Variants in ERC1 observed in about 807,000 individuals in gnomAD.
ERC1 encodes RAB6 interacting protein 2.
ERC1 carries 56 observed loss-of-function variants against 132.0 expected under a neutral mutation model. The observed-to-expected ratio is 0.42, with a 90% CI of 0.34 to 0.53. The LOEUF is 0.53. Ranked by LOEUF, ERC1 falls within the 20% of genes least tolerant of loss-of-function variation. The pLI is 0.03. For missense variants in ERC1, 1,202 were observed against 1,349.9 expected, an observed-to-expected ratio of 0.89 and a Z score of 1.72; for synonymous variants, 478 against 476.1, an observed-to-expected ratio of 1.00 and a Z score of -0.05.
chr12:1,382,146 T>C (rs1002707365), intron 16 of ERC1, among the ~76,000 whole-genome samples: 2 of 152,242 alleles, frequency 1.3e-5, no homozygotes, highest in African/African-American at 4.8e-5. Context: ...GATCCAACTC[T>C]GTTGATAAAT....
chr12:1,006,782 G>A (rs372460238), intron 1 of ERC1, among the ~76,000 whole-genome samples: 2 of 151,820 alleles, frequency 1.3e-5, no homozygotes, highest in Non-Finnish European at 2.9e-5. Context: ...CTTGGCCTCC[G>A]AAAGCCCTAG....
At chr12:1,078,039 AGT>A (rs1251096866) in intron 2 of ERC1, among the ~76,000 whole-genome samples, 1 of 152,222 alleles carries the variant, frequency 6.6e-6, no homozygotes, top group Non-Finnish European at 1.5e-5. Flanking sequence ...ACACACTAGT[AGT>A]TAATGTTTTC....
At chr12:1,393,196 G>T (rs546443873) in intron 16 of ERC1, among the ~76,000 whole-genome samples, 1 of 152,174 alleles carries the variant, frequency 6.6e-6, no homozygotes, top group Non-Finnish European at 1.5e-5. Flanking sequence ...CCATGATTTT[G>T]TAAAAAGAAA....
intron 1 of ERC1, among the ~76,000 whole-genome samples, chr12:1,005,180 T>G (rs7955303): frequency 0.014 from 2,081 of 152,222 alleles, 46 homozygotes; most frequent in African/African-American, 0.047. Context: ...CACCTGGGGT[T>G]TCACTCTGTC....
At chr12:1,337,741 A>G (rs1304638030) in intron 15 of ERC1, among the ~76,000 whole-genome samples, 1 of 152,208 alleles carries the variant, frequency 6.6e-6, no homozygotes, top group Non-Finnish European at 1.5e-5. Context: ...TTTGATAGTA[A>G]TGAATTTCCT....
At chr12:1,084,811 C>A (rs1942751867) in intron 3 of ERC1, among the ~76,000 whole-genome samples, 1 of 151,930 alleles carries the variant, frequency 6.6e-6, no homozygotes, top group South Asian at 2.1e-4. Context: ...TCTGCCTTAG[C>A]CTCCCTAGTA....
intron 17 of ERC1, among the ~76,000 whole-genome samples, chr12:1,440,294 T>C (rs1247191022): frequency 8.5e-5 from 12 of 141,238 alleles, no homozygotes; most frequent in East Asian, 4.5e-4. Flanking sequence ...AAGCTCCGCC[T>C]CCTGGGTTCA....
At chr12:1,259,520 CTTTTTTTTTTT>C (rs201786277) in intron 13 of ERC1, among the ~76,000 whole-genome samples, 3 of 113,882 alleles carry the variant, frequency 2.6e-5, no homozygotes, top group South Asian at 3.0e-4. Flanking sequence ...TTCTTTCTTT[CTTTTTTTTTTT>C]TTTTTTTTTT....
chr12:1,331,535 G>A (rs2082860669), intron 15 of ERC1, among the ~76,000 whole-genome samples: 1 of 152,208 alleles, frequency 6.6e-6, no homozygotes, highest in South Asian at 2.1e-4. Context: ...GGCTGTCACA[G>A]AGACCCACTC....
At chr12:1,440,362 G>A (rs190625488) in intron 17 of ERC1, among the ~76,000 whole-genome samples, 94 of 149,292 alleles carry the variant, frequency 6.3e-4, no homozygotes, top group Non-Finnish European at 9.4e-4. Context: ...CCGCCACCAC[G>A]CCCGGCTAAT....
chr12:1,374,258 C>A (rs1026580676), intron 16 of ERC1, among the ~76,000 whole-genome samples: 1 of 152,220 alleles, frequency 6.6e-6, no homozygotes, highest in African/African-American at 2.4e-5. Flanking sequence ...CTGCCACTGC[C>A]TGATAGGCTC....
chr12:1,347,332 AAACAATTAGT>A (rs778970721), intron 15 of ERC1, among the ~76,000 whole-genome samples: 17 of 152,228 alleles, frequency 1.1e-4, no homozygotes, highest in Non-Finnish European at 2.4e-4. Flanking sequence ...TTTATTTTTA[AAACAATTAGT>A]TTTTTTAAAC....
At chr12:1,200,462 G>A (rs1190378499) in intron 12 of ERC1, among the ~76,000 whole-genome samples, 1 of 151,892 alleles carries the variant, frequency 6.6e-6, no homozygotes, top group African/African-American at 2.4e-5. Context: ...ATCACATTCT[G>A]TCCTGTGACT....
intron 15 of ERC1, among the ~76,000 whole-genome samples, chr12:1,298,347 G>A (rs1401406116): frequency 2.0e-5 from 3 of 152,000 alleles, no homozygotes; most frequent in African/African-American, 7.2e-5. Flanking sequence ...TTTGAGACCA[G>A]CTTGGCCAAC....
rs530620741 is a variant in ERC1, at chr12:1,420,295, A to G, written c.3024+12048A>G. On this transcript the variant is annotated intron_variant, in intron 17 of 18. Transcript: ENST00000360905. The stretch of plus-strand genomic sequence containing the variant: ...TTGAAGCACTTTTCATTCAATAGAG[A>G]TACAAATTTGGAGACCATCTTTTAG... Among the ~76,000 whole-genome samples, 3 of 152,308 alleles carry G rather than the reference A, an allele frequency of 2.0e-5. No homozygotes were observed. The South Asian group carries it at 6.2e-4, about 32-fold the overall frequency.
intron 1 of ERC1, among the ~76,000 whole-genome samples, chr12:1,023,381 T>A (rs552338409): frequency 6.6e-6 from 1 of 152,274 alleles, no homozygotes; most frequent in South Asian, 2.1e-4. Context: ...TGTGAATAGA[T>A]GTTGTCCACT....
intron 2 of ERC1, among the ~76,000 whole-genome samples, chr12:1,077,946 A>G (rs1298777310): frequency 6.6e-6 from 1 of 152,202 alleles, no homozygotes. Flanking sequence ...AAACTGCTGT[A>G]TAGACTTCTA....
At chr12:1,405,076 G>T (rs1003091890) in intron 16 of ERC1, among the ~76,000 whole-genome samples, 2 of 151,866 alleles carry the variant, frequency 1.3e-5, no homozygotes, top group Non-Finnish European at 2.9e-5. Context: ...GGAGGCAAAA[G>T]TTGCAGCGAG....
chr12:1,440,413 A>T (rs192000965), intron 17 of ERC1, among the ~76,000 whole-genome samples: 3 of 148,976 alleles, frequency 2.0e-5, no homozygotes, highest in East Asian at 3.9e-4. Flanking sequence ...TCACCGTGTT[A>T]GCCAGGATGG....
Sources: allele counts gnomAD v4.1 joint callset (sites outside exome capture counted in the v4.1 genomes callset), GRCh38; gene constraint gnomAD v4.1.1; transcripts MANE v1.5; gene names NCBI Gene and HGNC (gene_info 2026-07-23, HGNC 2026-07-21).